The following SLC22A8 variants were observed in gnomAD, a reference collection of about 807,000 sequenced individuals.
SLC22A8 encodes solute carrier family 22 member 8.
A neutral mutation model predicts 48.4 loss-of-function variants in SLC22A8; 40 were observed. That is an observed-to-expected ratio of 0.83 (90% CI 0.64 to 1.08). The LOEUF is 1.08. Among genes scored for constraint, SLC22A8 ranks in the 50% least tolerant of loss-of-function variants. The pLI, the probability that SLC22A8 is intolerant of heterozygous loss-of-function variation, is 0.00. For missense variants in SLC22A8, 606 were observed against 699.0 expected (o/e 0.87, Z 1.50); for synonymous variants, 268 against 286.3 (o/e 0.94, Z 0.65).
Position 62,993,330 on chromosome 11 carries a change from C to T in SLC22A8, c.1536G>A (p.Leu512=), listed in dbSNP as rs570365988. Residue 512 remains leucine (L), a synonymous_variant, in exon 11 of 11, where the codon CTG becomes CTA. Coordinates refer to ENST00000336232, the MANE Select transcript of SLC22A8 (RefSeq NM_004254.4). ...GCTCCTGCTTTGGCTTCTTTGCCCGCAGGGACCTAGGGACAGAGAGCTAAG... is the reference window on the plus strand; with the variant it reads ...GCTCCTGCTTTGGCTTCTTTGCCCGTAGGGACCTAGGGACAGAGAGCTAAG... ...ETIEDLENWS[L]RAKKPKQEPE... is the part of the protein sequence containing the mutation. The T allele has an allele frequency of 6.2e-7, 1 of 1,613,986 alleles. No individual in the cohort carries two copies. Among genetic ancestry groups the T allele is most frequent in the South Asian group, 1.1e-5 (1 of 91,068 alleles).
At chr11:63,011,073 A>G (rs571444615) in intron 2 of SLC22A8, among the ~76,000 whole-genome samples, 1 of 152,334 alleles carries the variant, frequency 6.6e-6, no homozygotes, top group East Asian at 1.9e-4. Flanking sequence ...TACTAAAGGC[A>G]GGGAAGGAGG....
chr11:63,005,938 C>G lies in SLC22A8; in HGVS notation c.334-5115G>C, dbSNP rs1402975749. On this transcript the variant is annotated intron_variant, in intron 2 of 10. Coordinates refer to ENST00000336232, the MANE Select transcript of SLC22A8 (RefSeq NM_004254.4). ...CACGATTCCTGAATATTTGAAGGAACTGCTGGCTTTATAAGGGGTGATTGG... is the reference window on the plus strand; with the variant it reads ...CACGATTCCTGAATATTTGAAGGAAGTGCTGGCTTTATAAGGGGTGATTGG... Among the ~76,000 whole-genome samples the G allele has an allele frequency of 2.0e-5, 3 of 152,128 alleles. No homozygotes were observed. In the South Asian group the frequency reaches 6.2e-4, roughly 32 times the overall value.
rs58058368 is a variant in SLC22A8, at chr11:63,006,595, GTTTTTTTTTTTT to G, written c.334-5784_334-5773del. ...TGAGGACTGAGAATGTCTCATTTGA[GTTTTTTTTTTTT>G]TTTTTTTTTTTTTTTTTTGAGACAG... On this transcript the variant is annotated intron_variant, in intron 2 of 10. Coordinates refer to ENST00000336232, the MANE Select transcript of SLC22A8 (RefSeq NM_004254.4). 9.6e-3 allele frequency among the ~76,000 whole-genome samples: 493 copies of G among 51,432 alleles called. 6 individuals carry two copies. Among genetic ancestry groups the G allele is most frequent in the Admixed American group, 0.028 (115 of 4,140 alleles). 33.7% of individuals were successfully genotyped at this position (51,432 alleles called of 152,430 possible).
rs1208574630 is a variant in SLC22A8 at position 62,993,231 on chromosome 11, T to G, written c.*6A>C. ...TGGAGGGCAGGGAAAGGGGGTTCCG[T>G]TGTCCTCAGCTGGAGCCCAGGCCTG... On this transcript the variant is annotated 3_prime_UTR_variant, in exon 11 of 11. Transcript: ENST00000336232. 1.9e-6 allele frequency: 3 copies of G among 1,609,190 alleles called. No individual in the cohort carries two copies. The highest frequency in any genetic ancestry group is 2.5e-6 in the Non-Finnish European group (3 of 1,177,966).
chr11:62,994,266 G>C (rs1421151812), intron 8 of SLC22A8: 6 of 547,788 alleles, frequency 1.1e-5, no homozygotes, highest in Non-Finnish European at 2.0e-5. Context: ...TATCTCTACA[G>C]TGATGTCACT....
At chr11:63,006,595 GTTTTTTTTT>G (rs58058368) in intron 2 of SLC22A8, among the ~76,000 whole-genome samples, 18 of 51,424 alleles carry the variant, frequency 3.5e-4, no homozygotes, top group South Asian at 1.0e-3. Flanking sequence ...TCTCATTTGA[GTTTTTTTTT>G]TTTTTTTTTT....
At chr11:62,995,469 G>A in intron 7 of SLC22A8, 1 of 563,964 alleles carries the variant, frequency 1.8e-6, no homozygotes, top group Non-Finnish European at 3.2e-6. Context: ...TTGTCCTGTG[G>A]GTGAGGGGTG....
At position 63,014,637 on chromosome 11, in the gene SLC22A8, T is replaced by C. The variant is rs2086653913; in HGVS notation, c.322A>G (p.Ile108Val). ...TTGCCCAGGCATACCTCTGTCACAA[T>C]GGAGTCCTTGGTGCTGTTGTAGACC... ...GWVYNSTKDS[I>V]VTEWDLVCNS... Residue 108 changes from isoleucine (I) to valine (V), a missense_variant, in exon 2 of 11, where the codon ATT becomes GTT. By Grantham distance (29) the Ile-to-Val change is conservative (BLOSUM62 3). Coordinates refer to ENST00000336232, the MANE Select transcript of SLC22A8 (RefSeq NM_004254.4). 6.3e-7 allele frequency: 1 copy of C among 1,591,310 alleles called. No homozygotes were observed. Among genetic ancestry groups the C allele is most frequent in the Non-Finnish European group, 8.6e-7 (1 of 1,163,030 alleles).
Position 62,994,635 on chromosome 11 carries a change from G to C in SLC22A8, c.1123C>G (p.Leu375Val), listed in dbSNP as rs867215160. The C allele has an allele frequency of 2.5e-6, 4 of 1,614,084 alleles. No homozygotes were observed. Among genetic ancestry groups the C allele is most frequent in the Middle Eastern group, 1.6e-4 (1 of 6,084 alleles). The change falls in exon 8 of 11, where the codon CTC (leucine) becomes GTC (valine). Residue 375 changes from leucine (L) to valine (V), a missense_variant. Coordinates refer to ENST00000336232, the MANE Select transcript of SLC22A8 (RefSeq NM_004254.4). ...TGCCGGCCCAGGTAGCTTAAGGAGA[G>C]GATGGTGATGAACTTGGCTGGGACA... ...VDVPAKFITI[L>V]SLSYLGRHTT...
In SLC22A8 at chr11:62,999,078, C is replaced by G. The variant is rs949931980; in HGVS notation, c.604G>C (p.Val202Leu). ...ATGATGGCCCGCATCCGGGTAGGCA[C>G]CCATTCCACATCTGTGGGAGGAGTC... ...LSTVILNVEW[V>L]PTRMRAIMST... Residue 202 changes from valine to leucine, a missense_variant, in exon 5 of 11, where the codon GTG becomes CTG. Coordinates refer to ENST00000336232, the MANE Select transcript of SLC22A8 (RefSeq NM_004254.4). 1.8e-5 allele frequency: 29 copies of G among 1,613,206 alleles called. No individual in the cohort carries two copies. The highest frequency in any genetic ancestry group is 2.4e-5 in the Non-Finnish European group (28 of 1,179,280).
chr11:63,013,484 A>G (rs1156423677), intron 2 of SLC22A8, among the ~76,000 whole-genome samples: 2 of 152,172 alleles, frequency 1.3e-5, no homozygotes, highest in Non-Finnish European at 2.9e-5. Flanking sequence ...TGAGGGGTTC[A>G]TGGTACCCAA....
Position 62,998,974 on chromosome 11 carries a change from A to G in SLC22A8, c.708T>C (p.Arg236=), listed in dbSNP as rs569033748. Residue 236 remains arginine, a synonymous_variant, in exon 5 of 11, where the codon CGT becomes CGC. Coordinates refer to ENST00000336232, the MANE Select transcript of SLC22A8 (RefSeq NM_004254.4). ...PGLAYAIPQW[R]WLQLTVSIPF... ...GAATGGACACAGTTAACTGCAGCCA[A>G]CGCCACTGGGGGATGGCGTAGGCCA... The G allele has an allele frequency of 3.5e-5, 57 of 1,613,890 alleles. No homozygotes were observed. Among genetic ancestry groups the G allele is most frequent in the Admixed American group, 1.7e-4 (10 of 60,002 alleles).
intron 2 of SLC22A8, among the ~76,000 whole-genome samples, chr11:63,013,923 C>T (rs945963667): frequency 6.6e-6 from 1 of 152,096 alleles, no homozygotes; most frequent in Non-Finnish European, 1.5e-5. Flanking sequence ...TGGATTTCCC[C>T]GAGGTGGCAG....
intron 2 of SLC22A8, among the ~76,000 whole-genome samples, chr11:63,006,595 G>GTTTT (rs58058368): frequency 0.024 from 1,253 of 51,384 alleles, 290 homozygotes; most frequent in Non-Finnish European, 0.028. Context: ...TCTCATTTGA[G>GTTTT]TTTTTTTTTT....
At chr11:63,008,087 A>G (rs993719851) in intron 2 of SLC22A8, among the ~76,000 whole-genome samples, 4 of 152,246 alleles carry the variant, frequency 2.6e-5, no homozygotes, top group Non-Finnish European at 5.9e-5. Flanking sequence ...AGCATAGCCC[A>G]GCATAGGCTG....
chr11:63,006,595 G>GT (rs58058368), intron 2 of SLC22A8, among the ~76,000 whole-genome samples: 2,356 of 51,304 alleles, frequency 0.046, 647 homozygotes, highest in African/African-American at 0.066. Context: ...TCTCATTTGA[G>GT]TTTTTTTTTT....
intron 2 of SLC22A8, among the ~76,000 whole-genome samples, chr11:63,001,858 AC>A (rs1435971738): frequency 6.6e-5 from 10 of 151,882 alleles, no homozygotes; most frequent in African/African-American, 2.2e-4. Flanking sequence ...GGGACTTATC[AC>A]CCCACTTCTC....
chr11:63,007,799 CT>C, intron 2 of SLC22A8, among the ~76,000 whole-genome samples: 1 of 152,318 alleles, frequency 6.6e-6, no homozygotes, highest in South Asian at 2.1e-4. Flanking sequence ...CAGGAGAAAG[CT>C]TTGCAATTAA....
intron 5 of SLC22A8, among the ~76,000 whole-genome samples, chr11:62,996,568 AG>A (rs1408517802): frequency 7.2e-5 from 11 of 152,190 alleles, no homozygotes; most frequent in Non-Finnish European, 1.3e-4. Context: ...TGGAGAAGAA[AG>A]GGCAGGGCTG....
Sources: allele counts gnomAD v4.1 joint callset (sites outside exome capture counted in the v4.1 genomes callset), GRCh38; gene constraint gnomAD v4.1.1; transcripts MANE v1.5; gene names NCBI Gene and HGNC (gene_info 2026-07-23, HGNC 2026-07-21).